Variants in ETV6 observed in about 807,000 individuals in gnomAD.
ETV6 encodes the protein transcription factor ETV6.
A neutral mutation model predicts 51.1 loss-of-function variants in ETV6; 16 were observed. The ratio of observed to expected loss-of-function variants is 0.31; its 90% CI spans 0.21 to 0.48. The LOEUF (loss-of-function observed/expected upper bound fraction) is 0.48. Among genes scored for constraint, ETV6 ranks in the 20% least tolerant of loss-of-function variants. The pLI is 0.99. For synonymous variants in ETV6, 240 were observed against 224.1 expected, an observed-to-expected ratio of 1.07 and a Z score of -0.64; for missense variants, 458 against 594.8, an observed-to-expected ratio of 0.77 and a Z score of 2.39.
intron 1 of ETV6, among the ~76,000 whole-genome samples, chr12:11,703,367 TGAA>T: frequency 6.6e-6 from 1 of 152,118 alleles, no homozygotes; most frequent in South Asian, 2.1e-4. Context: ...ATATAGAAGA[TGAA>T]GAGAAGTGTG....
chr12:11,874,268 C>G (rs890509370), intron 5 of ETV6, among the ~76,000 whole-genome samples: 1 of 151,402 alleles, frequency 6.6e-6, no homozygotes, highest in Non-Finnish European at 1.5e-5. Context: ...TCCCAGCTAC[C>G]GAGGAGGCTG....
intron 2 of ETV6, among the ~76,000 whole-genome samples, chr12:11,805,645 A>G (rs1945818288): frequency 6.6e-6 from 1 of 152,198 alleles, no homozygotes; most frequent in Admixed American, 6.5e-5. Flanking sequence ...GAAGGCCCTG[A>G]GACTGGAAGA....
At chr12:11,734,628 A>G (rs1189222748) in intron 1 of ETV6, among the ~76,000 whole-genome samples, 1 of 151,876 alleles carries the variant, frequency 6.6e-6, no homozygotes, top group Admixed American at 6.5e-5. Context: ...TTTGTCATTG[A>G]TGTTTATTAA....
intron 4 of ETV6, among the ~76,000 whole-genome samples, chr12:11,858,886 CA>C (rs1381864393): frequency 1.3e-5 from 2 of 152,034 alleles, no homozygotes; most frequent in Non-Finnish European, 2.9e-5. Flanking sequence ...TTACAACTAG[CA>C]CATGGGAATG....
intron 5 of ETV6, among the ~76,000 whole-genome samples, chr12:11,879,713 G>T (rs968864344): frequency 6.6e-6 from 1 of 152,146 alleles, no homozygotes; most frequent in African/African-American, 2.4e-5. Context: ...AAGCCCTTTC[G>T]TTTAAGAAAA....
chr12:11,670,729 C>T (rs141334890), intron 1 of ETV6, among the ~76,000 whole-genome samples: 4 of 152,270 alleles, frequency 2.6e-5, no homozygotes, highest in African/African-American at 7.2e-5. Flanking sequence ...GTCAGACATA[C>T]GTACAAATTC....
chr12:11,707,718 C>T (rs1172153136), intron 1 of ETV6, among the ~76,000 whole-genome samples: 1 of 152,200 alleles, frequency 6.6e-6, no homozygotes, highest in South Asian at 2.1e-4. Flanking sequence ...GGCCCCGAGT[C>T]GTATGTGGCA....
In ETV6 at chr12:11,891,561, G is replaced by A. The variant is rs562192047; in HGVS notation, c.*515G>A. 29 of 533,612 alleles carry A rather than the reference G, an allele frequency of 5.4e-5. No homozygotes were observed. Among genetic ancestry groups the A allele is most frequent in the African/African-American group, 1.3e-4 (7 of 53,556 alleles). 33.1% of individuals were successfully genotyped at this position (533,612 alleles called of 1,614,324 possible). ...TTCAGGTTCCTCTTTTTCCTGCCAC[G>A]TGGATCAGGTCTGTTCCTGTTACTG... On this transcript the variant is annotated 3_prime_UTR_variant, in exon 8 of 8. Transcript: ENST00000396373.
chr12:11,665,985 T>C (rs1864186630), intron 1 of ETV6, among the ~76,000 whole-genome samples: 1 of 152,206 alleles, frequency 6.6e-6, no homozygotes, highest in Non-Finnish European at 1.5e-5. Flanking sequence ...TAACTGATCA[T>C]CCTTTTTTTT....
intron 2 of ETV6, among the ~76,000 whole-genome samples, chr12:11,772,305 G>A (rs1945252979): frequency 6.6e-6 from 1 of 152,218 alleles, no homozygotes; most frequent in Admixed American, 6.5e-5. Context: ...ACAAGAGAAT[G>A]TTTTTGAATT....
intron 4 of ETV6, among the ~76,000 whole-genome samples, chr12:11,866,821 G>A (rs115719086): frequency 6.1e-4 from 93 of 152,274 alleles, no homozygotes; most frequent in Non-Finnish European, 6.2e-4. Flanking sequence ...TGGGCTATTC[G>A]GTAATCAGAC....
intron 2 of ETV6, among the ~76,000 whole-genome samples, chr12:11,835,485 C>T (rs1946304274): frequency 6.6e-6 from 1 of 152,208 alleles, no homozygotes; most frequent in Non-Finnish European, 1.5e-5. Flanking sequence ...GCCCATGCAG[C>T]TTCTGTTCCA....
intron 2 of ETV6, among the ~76,000 whole-genome samples, chr12:11,832,688 T>A (rs1474407721): frequency 6.6e-6 from 1 of 152,240 alleles, no homozygotes; most frequent in Non-Finnish European, 1.5e-5. Flanking sequence ...TTAATAAGGT[T>A]GCTCTAAGTG....
At chr12:11,795,291 T>C (rs991344082) in intron 2 of ETV6, among the ~76,000 whole-genome samples, 5 of 152,264 alleles carry the variant, frequency 3.3e-5, no homozygotes, top group Admixed American at 2.0e-4. Flanking sequence ...GTTGAAGAGC[T>C]TGGGGCTCTG....
rs144129443 is a variant in ETV6 at position 11,863,370 on chromosome 12, T to G, written c.464-6054T>G. 5.2e-3 allele frequency among the ~76,000 whole-genome samples: 789 copies of G among 152,272 alleles called. 5 individuals carry two copies. The highest frequency in any genetic ancestry group is 0.018 in the African/African-American group (753 of 41,542). ...CCGTTTGGCAGTGAGAAGAAGGGATTATTTGTGTCTGACAGAGGTCTACAA... is the reference window on the plus strand; with the variant it reads ...CCGTTTGGCAGTGAGAAGAAGGGATGATTTGTGTCTGACAGAGGTCTACAA... On this transcript the variant is annotated intron_variant, in intron 4 of 7. Coordinates refer to ENST00000396373, the MANE Select transcript of ETV6 (RefSeq NM_001987.5).
At chr12:11,656,901 G>A (rs943767446) in intron 1 of ETV6, among the ~76,000 whole-genome samples, 6 of 150,470 alleles carry the variant, frequency 4.0e-5, no homozygotes, top group Admixed American at 1.3e-4. Context: ...CATCTCTCAT[G>A]TACATCTTTA....
intron 1 of ETV6, among the ~76,000 whole-genome samples, chr12:11,694,542 A>C (rs1243646063): frequency 2.0e-5 from 3 of 152,218 alleles, no homozygotes; most frequent in Non-Finnish European, 4.4e-5. Flanking sequence ...AGATGATCAT[A>C]TACAGACAGA....
chr12:11,724,330 C>CA (rs1169775639), intron 1 of ETV6, among the ~76,000 whole-genome samples: 1 of 152,188 alleles, frequency 6.6e-6, no homozygotes, highest in African/African-American at 2.4e-5. Context: ...TGGGAGAAAG[C>CA]TGCAAGGCCT....
At chr12:11,750,911 A>T in intron 1 of ETV6, 10 of 472,080 alleles carry the variant, frequency 2.1e-5, no homozygotes, top group South Asian at 1.6e-4. Context: ...AAAGTTCAAG[A>T]AAAGTGCAGT....
Sources: gnomAD v4.1 joint callset for allele counts (sites outside exome capture counted in the v4.1 genomes callset) on GRCh38, gnomAD v4.1.1 for gene constraint, MANE v1.5 for transcripts, NCBI Gene and HGNC (gene_info 2026-07-23, HGNC 2026-07-21) for gene names.